DPP6: variants seen among roughly 807,000 people sequenced by gnomAD.
DPP6 encodes the protein A-type potassium channel modulatory protein DPP6.
A neutral mutation model predicts 122.6 loss-of-function variants in DPP6; 69 were observed. The observed-to-expected ratio is 0.56, with a 90% confidence interval of 0.46 to 0.69. The LOEUF (loss-of-function observed/expected upper bound fraction) is 0.69, where lower values mean the gene tolerates loss of function less well. DPP6 is among the 30% of genes least tolerant of loss of function. The pLI, the probability that DPP6 is intolerant of heterozygous loss-of-function variation, is 0.00. For synonymous variants in DPP6, 418 were observed against 433.1 expected (o/e 0.97, Z 0.43); for missense variants, 928 against 1,116.9 (o/e 0.83, Z 2.41).
intron 1 of DPP6, among the ~76,000 whole-genome samples, chr7:154,116,030 A>G (rs556672419): frequency 1.3e-5 from 2 of 151,342 alleles, no homozygotes; most frequent in Admixed American, 6.6e-5. Context: ...AAATGGTTAA[A>G]TTCTTACCTT....
At chr7:154,714,453 C>T (rs1841365759) in intron 7 of DPP6, among the ~76,000 whole-genome samples, 1 of 152,196 alleles carries the variant, frequency 6.6e-6, no homozygotes, top group South Asian at 2.1e-4. Context: ...TTAATTGACT[C>T]ACGGTTCTGC....
At chr7:154,557,399 C>T (rs970970364) in intron 4 of DPP6, among the ~76,000 whole-genome samples, 1 of 152,176 alleles carries the variant, frequency 6.6e-6, no homozygotes, top group Non-Finnish European at 1.5e-5. Context: ...TTGCTGGTTT[C>T]TTTTGGTGTT....
At chr7:153,749,932 G>A in the DPP6 span, among the ~76,000 whole-genome samples, 1 of 152,194 alleles carries the variant, frequency 6.6e-6, no homozygotes, top group African/African-American at 2.4e-5. This position sits in a 1 kb window ranked among gnomAD's most constrained non-coding sequence, Gnocchi z 4.1. Flanking sequence ...GCTTTACTCT[G>A]TCATCTTATT....
chr7:154,182,656 G>T (rs1364667107), intron 1 of DPP6, among the ~76,000 whole-genome samples: 7 of 152,102 alleles, frequency 4.6e-5, no homozygotes, highest in African/African-American at 9.7e-5. Flanking sequence ...AGCCTTTCCG[G>T]AGGTGAAGTA....
intron 5 of DPP6, 56 bp downstream of exon 5, chr7:154,566,972 A>G (rs1830797904): frequency 8.2e-7 from 1 of 1,226,430 alleles, no homozygotes; most frequent in Admixed American, 1.9e-5. Context: ...CTAATATCTC[A>G]TTAAGTATAT....
chr7:153,765,758 T>C, the DPP6 span, among the ~76,000 whole-genome samples: 1 of 152,284 alleles, frequency 6.6e-6, no homozygotes, highest in South Asian at 2.1e-4. Context: ...ACATGTCGCC[T>C]CACCAAAGTG....
intron 1 of DPP6, among the ~76,000 whole-genome samples, chr7:154,061,736 C>T (rs1436866038): frequency 1.1e-5 from 1 of 87,000 alleles, no homozygotes; most frequent in Non-Finnish European, 2.6e-5. Flanking sequence ...GACTGCGAAC[C>T]TCCCCCTTTC....
chr7:154,398,505 T>A (rs909416330), intron 1 of DPP6, among the ~76,000 whole-genome samples: 7 of 152,216 alleles, frequency 4.6e-5, no homozygotes, highest in Non-Finnish European at 8.8e-5. Context: ...TGGGCACCAA[T>A]GTGATCATAA....
intron 2 of DPP6, among the ~76,000 whole-genome samples, chr7:154,463,312 AT>A (rs748076718): frequency 1.2e-4 from 17 of 140,762 alleles, no homozygotes; most frequent in African/African-American, 4.1e-4. Context: ...GGTTCACGCC[AT>A]TCTCCTGCCT....
At chr7:154,166,443 G>A (rs928472708) in intron 1 of DPP6, among the ~76,000 whole-genome samples, 7 of 152,178 alleles carry the variant, frequency 4.6e-5, no homozygotes, top group South Asian at 2.1e-4. Context: ...TAAGAGGGGA[G>A]GATGAAACCG....
intron 1 of DPP6, among the ~76,000 whole-genome samples, chr7:154,185,768 G>A (rs937187193): frequency 3.9e-5 from 6 of 152,066 alleles, no homozygotes; most frequent in African/African-American, 1.4e-4. Context: ...AATTACTTCT[G>A]GAATCCCCAT....
At chr7:154,482,762 A>G (rs1586411951) in intron 3 of DPP6, among the ~76,000 whole-genome samples, 1 of 152,272 alleles carries the variant, frequency 6.6e-6, no homozygotes. Context: ...CTGTGACAGG[A>G]AAGGAAGTGG....
At chr7:154,248,569 A>G (rs1802139248) in intron 1 of DPP6, among the ~76,000 whole-genome samples, 1 of 152,198 alleles carries the variant, frequency 6.6e-6, no homozygotes, top group Non-Finnish European at 1.5e-5. Context: ...ATGTTTGTCA[A>G]AAGTCATTGA....
At chr7:154,049,126 C>T (rs1800165176), upstream of DPP6, among the ~76,000 whole-genome samples, 1 of 151,404 alleles carries the variant, frequency 6.6e-6, no homozygotes, top group Non-Finnish European at 1.5e-5. Flanking sequence ...AAAATATTTT[C>T]TCACACTTAC....
intron 1 of DPP6, chr7:154,092,629 G>A (rs1804938673): frequency 6.6e-6 from 1 of 152,100 alleles, no homozygotes; most frequent in African/African-American, 2.4e-5. Context: ...ATCCTATCAA[G>A]AGGCACGTGA....
At chr7:154,373,314 C>A (rs759971012) in intron 1 of DPP6, among the ~76,000 whole-genome samples, 62 of 152,182 alleles carry the variant, frequency 4.1e-4, no homozygotes, top group Non-Finnish European at 6.3e-4. Flanking sequence ...CGATTTAATT[C>A]TATTTTATTC....
intron 1 of DPP6, among the ~76,000 whole-genome samples, chr7:153,995,588 C>CAAAAAAAAA (rs55905154): frequency 1.6e-4 from 14 of 88,870 alleles, no homozygotes; most frequent in Admixed American, 4.5e-4. Flanking sequence ...GACTCCGTCT[C>CAAAAAAAAA]AAAAAAAAAA....
chr7:154,330,651 A>G (rs1033753600), intron 1 of DPP6, among the ~76,000 whole-genome samples: 24 of 152,350 alleles, frequency 1.6e-4, no homozygotes, highest in African/African-American at 5.3e-4. Context: ...TCAGCAGTGT[A>G]AAGAGCAGAG....
At chr7:154,575,381 G>A (rs1246529836) in intron 5 of DPP6, among the ~76,000 whole-genome samples, 1 of 103,834 alleles carries the variant, frequency 9.6e-6, no homozygotes, top group African/African-American at 3.7e-5. Flanking sequence ...GTGTATGTGT[G>A]TGATGTGTGT....
Sources: allele counts gnomAD v4.1 joint callset (sites outside exome capture counted in the v4.1 genomes callset), GRCh38; gene constraint gnomAD v4.1.1; non-coding constraint Gnocchi (gnomAD v3.1); transcripts MANE v1.5; gene names NCBI Gene and HGNC (gene_info 2026-07-23, HGNC 2026-07-21).